GRIK2: variants seen among roughly 807,000 people sequenced by gnomAD.
The protein encoded by GRIK2 is glutamate receptor ionotropic, kainate 2.
GRIK2 carries 32 observed loss-of-function variants against 100.3 expected under a neutral mutation model. The ratio of observed to expected loss-of-function variants is 0.32; its 90% CI spans 0.24 to 0.43. The LOEUF is 0.43. GRIK2 is among the 20% of genes least tolerant of loss of function. GRIK2 has a pLI of 1.00. For missense variants in GRIK2, 843 were observed against 1,114.9 expected (o/e 0.76, Z 3.47); for synonymous variants, 417 against 389.4 (o/e 1.07, Z -0.83).
intron 7 of GRIK2, among the ~76,000 whole-genome samples, chr6:101,791,128 A>C (rs1361893024): frequency 2.0e-5 from 3 of 152,044 alleles, no homozygotes; most frequent in Admixed American, 6.6e-5. Context: ...CTAGCAGTCT[A>C]TCAATTTTGT....
chr6:101,991,445 T>C (rs957328177), intron 14 of GRIK2, among the ~76,000 whole-genome samples: 4 of 150,974 alleles, frequency 2.6e-5, no homozygotes, highest in Admixed American at 6.6e-5. Context: ...AATAATAATA[T>C]TGAAAAATAT....
chr6:101,415,994 G>GTCAA (rs34905572), intron 2 of GRIK2, among the ~76,000 whole-genome samples: 13,951 of 152,178 alleles, frequency 0.092, 677 homozygotes, highest in South Asian at 0.14. Context: ...AGCATAACCA[G>GTCAA]TCAATCAATC....
chr6:101,580,369 C>G (rs1025620032), intron 2 of GRIK2, among the ~76,000 whole-genome samples: 3 of 152,108 alleles, frequency 2.0e-5, no homozygotes, highest in African/African-American at 7.2e-5. Context: ...TAAATTGTCT[C>G]TTTCCCCTAT....
At chr6:102,016,999 A>G (rs761782963) in intron 14 of GRIK2, among the ~76,000 whole-genome samples, 19 of 152,142 alleles carry the variant, frequency 1.2e-4, no homozygotes, top group Non-Finnish European at 2.5e-4. Flanking sequence ...AGAACTCCCA[A>G]CCAAGAGTTC....
intron 7 of GRIK2, among the ~76,000 whole-genome samples, chr6:101,739,485 G>A (rs1285299278): frequency 6.6e-6 from 1 of 152,118 alleles, no homozygotes; most frequent in South Asian, 2.1e-4. Flanking sequence ...TTCAGGCTCT[G>A]TTATTGACTG....
At chr6:101,946,925 A>T (rs1339129219) in intron 14 of GRIK2, among the ~76,000 whole-genome samples, 1 of 152,172 alleles carries the variant, frequency 6.6e-6, no homozygotes, top group African/African-American at 2.4e-5. Flanking sequence ...TCCCACAGAG[A>T]ATGTTACACA....
intron 2 of GRIK2, among the ~76,000 whole-genome samples, chr6:101,461,704 T>G (rs1771315569): frequency 6.6e-6 from 1 of 152,180 alleles, no homozygotes; most frequent in South Asian, 2.1e-4. Flanking sequence ...GTGAACATAT[T>G]TGGGAGGCCA....
intron 2 of GRIK2, among the ~76,000 whole-genome samples, chr6:101,439,606 A>G (rs1173706590): frequency 6.6e-6 from 1 of 152,156 alleles, no homozygotes; most frequent in Non-Finnish European, 1.5e-5. Context: ...ATTGACTTCA[A>G]TAAATATCCC....
intron 14 of GRIK2, among the ~76,000 whole-genome samples, chr6:101,937,411 G>A (rs1053411216): frequency 2.0e-5 from 3 of 152,088 alleles, no homozygotes; most frequent in African/African-American, 4.8e-5. Context: ...CAGTGATGTT[G>A]AGCTAACATG....
At chr6:101,400,779 A>G (rs1293543285) in intron 2 of GRIK2, among the ~76,000 whole-genome samples, 1 of 152,190 alleles carries the variant, frequency 6.6e-6, no homozygotes, top group African/African-American at 2.4e-5. Flanking sequence ...GACCACACAT[A>G]CACATAGATG....
intron 7 of GRIK2, among the ~76,000 whole-genome samples, chr6:101,695,112 T>G (rs533410511): frequency 6.6e-6 from 1 of 152,152 alleles, no homozygotes; most frequent in African/African-American, 2.4e-5. Context: ...ACTAGATAAT[T>G]AATAAAAAAC....
intron 2 of GRIK2, among the ~76,000 whole-genome samples, chr6:101,595,641 C>A (rs1395288348): frequency 1.3e-5 from 2 of 149,416 alleles, no homozygotes; most frequent in African/African-American, 4.9e-5. Flanking sequence ...CACACACAGA[C>A]ATATATATAA....
intron 2 of GRIK2, among the ~76,000 whole-genome samples, chr6:101,493,150 A>T (rs1562177073): frequency 6.6e-6 from 1 of 152,006 alleles, no homozygotes; most frequent in African/African-American, 2.4e-5. Context: ...GAATAAGAAG[A>T]CATAATATAC....
At chr6:101,397,230 A>T (rs1447438630) in intron 1 of GRIK2, among the ~76,000 whole-genome samples, 1 of 152,226 alleles carries the variant, frequency 6.6e-6, no homozygotes, top group Admixed American at 6.5e-5. Context: ...ATTGGCAGAT[A>T]AAAATGTGAA....
intron 7 of GRIK2, among the ~76,000 whole-genome samples, chr6:101,789,644 C>A (rs112034435): frequency 3.3e-5 from 5 of 152,116 alleles, no homozygotes; most frequent in Non-Finnish European, 5.9e-5. Context: ...TAATGTGATG[C>A]CTCCAGCTTT....
At chr6:101,504,969 T>C (rs1471693939) in intron 2 of GRIK2, among the ~76,000 whole-genome samples, 1 of 152,114 alleles carries the variant, frequency 6.6e-6, no homozygotes, top group Non-Finnish European at 1.5e-5. Flanking sequence ...CTTTTTGAAA[T>C]AGGTAGACTA....
intron 7 of GRIK2, among the ~76,000 whole-genome samples, chr6:101,703,563 A>G (rs1341758563): frequency 6.6e-6 from 1 of 151,806 alleles, no homozygotes; most frequent in African/African-American, 2.4e-5. Context: ...ATGTGAGGTG[A>G]GAGAGAAGAG....
At chr6:101,852,417 C>A (rs1784187250) in intron 10 of GRIK2, among the ~76,000 whole-genome samples, 1 of 152,054 alleles carries the variant, frequency 6.6e-6, no homozygotes, top group African/African-American at 2.4e-5. Flanking sequence ...CATGCCCGAG[C>A]CTCATAGTGG....
chr6:101,433,746 G>A (rs752692585), intron 2 of GRIK2, among the ~76,000 whole-genome samples: 1 of 151,946 alleles, frequency 6.6e-6, no homozygotes, highest in Non-Finnish European at 1.5e-5. Flanking sequence ...ATAGAGATGA[G>A]AACATTTTTA....
Sources: allele counts gnomAD v4.1 joint callset (sites outside exome capture counted in the v4.1 genomes callset), GRCh38; gene constraint gnomAD v4.1.1; transcripts MANE v1.5; gene names NCBI Gene and HGNC (gene_info 2026-07-23, HGNC 2026-07-21).